The following MLF1 variants were observed in gnomAD, a reference collection of about 807,000 sequenced individuals.
The protein encoded by MLF1 is myelodysplasia-myeloid leukemia factor 1.
Under a neutral mutation model 38.3 loss-of-function variants are expected in MLF1, and 37 were observed. The ratio of observed to expected loss-of-function variants is 0.96; its 90% CI spans 0.74 to 1.27. MLF1 has a LOEUF of 1.27. Among genes scored for constraint, MLF1 ranks in the 50% most tolerant of loss-of-function variants. The pLI, the probability that MLF1 is intolerant of heterozygous loss-of-function variation, is 0.00. For missense variants in MLF1, 331 were observed against 349.2 expected, an observed-to-expected ratio of 0.95 and a Z score of 0.42; for synonymous variants, 95 against 106.5, an observed-to-expected ratio of 0.89 and a Z score of 0.66.
chr3:158,581,278 C>CAGTTCA (rs1487782519), intron 1 of MLF1, among the ~76,000 whole-genome samples: 3 of 152,154 alleles, frequency 2.0e-5, no homozygotes, highest in African/African-American at 7.2e-5. Flanking sequence ...AGGAGCTCTA[C>CAGTTCA]CAGGTTCTCC....
At chr3:158,587,580 C>T (rs1717423446) in intron 1 of MLF1, among the ~76,000 whole-genome samples, 1 of 152,340 alleles carries the variant, frequency 6.6e-6, no homozygotes, top group East Asian at 1.9e-4. Context: ...TGCTGATCCC[C>T]ACTCCCTGGT....
At chr3:158,582,044 G>A (rs1333266931) in intron 1 of MLF1, among the ~76,000 whole-genome samples, 1 of 152,138 alleles carries the variant, frequency 6.6e-6, no homozygotes, top group Non-Finnish European at 1.5e-5. Context: ...GCCGGGCGTG[G>A]TGGTGCATGC....
At chr3:158,597,782 G>A (rs1441906567) in intron 4 of MLF1, among the ~76,000 whole-genome samples, 1 of 152,214 alleles carries the variant, frequency 6.6e-6, no homozygotes, top group African/African-American at 2.4e-5. Flanking sequence ...TCTAAGCCAC[G>A]AGCACCCAAA....
chr3:158,572,602 G>A (rs1372562965), intron 1 of MLF1, among the ~76,000 whole-genome samples: 10 of 139,968 alleles, frequency 7.1e-5, no homozygotes, highest in African/African-American at 2.7e-4. Flanking sequence ...AGGGCGTGAG[G>A]TAGGGGGAAG....
intron 5 of MLF1, among the ~76,000 whole-genome samples, 156 bp from the exon 6 acceptor site, chr3:158,599,858 C>G (rs1335737692): frequency 6.6e-6 from 1 of 152,060 alleles, no homozygotes; most frequent in African/African-American, 2.4e-5. Context: ...ATATCAGAGA[C>G]TTATTACCAC....
At position 158,576,243 on chromosome 3, in the gene MLF1, A is replaced by T. The variant is rs1715404167; in HGVS notation, c.47+4896A>T. On this transcript the variant is annotated intron_variant, in intron 1 of 7. Transcript: ENST00000466246. ...CAGGGCTGAAGTTATTTCATTGAAA[A>T]TTTACATTACAGTATATTCAGATAT... 1.3e-5 allele frequency among the ~76,000 whole-genome samples: 2 copies of T among 152,300 alleles called. 1 individual carries two copies. Among genetic ancestry groups the T allele is most frequent in the African/African-American group, 4.8e-5 (2 of 41,570 alleles).
Position 158,600,099 on chromosome 3 carries a change from A to G in MLF1, c.539A>G (p.His180Arg), listed in dbSNP as rs1719519344. 3 of 1,487,890 alleles carry G rather than the reference A, an allele frequency of 2.0e-6. No individual in the cohort carries two copies. The highest frequency in any genetic ancestry group is 2.7e-6 in the Non-Finnish European group (3 of 1,111,520). 92.2% of individuals were successfully genotyped at this position (1,487,890 alleles called of 1,614,324 possible). Reference sequence around the variant, plus strand: ...GGTCATCATATCCATGACCGAGCTCATGTCATTAAAAAGTCAAAGAACAAG... The same window carrying G: ...GGTCATCATATCCATGACCGAGCTCGTGTCATTAAAAAGTCAAAGAACAAG... ...AIGHHIHDRA[H>R]VIKKSKNKKT... Residue 180 changes from histidine to arginine, a missense_variant, in exon 6 of 8, where the codon CAT becomes CGT. Transcript: ENST00000466246.
intron 7 of MLF1, 71 bp from the exon 8 acceptor site, chr3:158,605,026 A>G: frequency 1.8e-6 from 2 of 1,098,098 alleles, no homozygotes; most frequent in South Asian, 3.1e-5. Flanking sequence ...GGTTTTTAAC[A>G]TGTTTGTATT....
At chr3:158,575,089 C>T (rs929070162) in intron 1 of MLF1, among the ~76,000 whole-genome samples, 4 of 152,124 alleles carry the variant, frequency 2.6e-5, no homozygotes, top group African/African-American at 9.7e-5. Flanking sequence ...TAACAGACTA[C>T]AAATAGTAAG....
At chr3:158,588,218 T>C (rs1717551591) in intron 1 of MLF1, among the ~76,000 whole-genome samples, 1 of 152,268 alleles carries the variant, frequency 6.6e-6, no homozygotes, top group South Asian at 2.1e-4. Context: ...TTGAGATGAC[T>C]AAAGCCTCAA....
At chr3:158,571,407 A>G in intron 1 of MLF1, 60 bp downstream of exon 1, 4 of 1,607,570 alleles carry the variant, frequency 2.5e-6, no homozygotes, top group Non-Finnish European at 3.4e-6. Flanking sequence ...GAGGGGAGCT[A>G]TTTTAAGGGA....
intron 1 of MLF1, among the ~76,000 whole-genome samples, chr3:158,589,698 A>G (rs575834327): frequency 1.3e-5 from 2 of 152,230 alleles, no homozygotes; most frequent in Non-Finnish European, 2.9e-5. Context: ...ATTACCACAT[A>G]TTTAGAGACT....
intron 1 of MLF1, among the ~76,000 whole-genome samples, chr3:158,580,275 A>C (rs1182275906): frequency 2.0e-5 from 3 of 151,972 alleles, no homozygotes; most frequent in Admixed American, 2.0e-4. Context: ...CATCCTGCAC[A>C]TGTACCCCGG....
At chr3:158,591,036 T>A in intron 1 of MLF1, 1 of 459,238 alleles carries the variant, frequency 2.2e-6, no homozygotes, top group Non-Finnish European at 4.3e-6. Context: ...TAGGTTTATG[T>A]ATACAAATAC....
intron 6 of MLF1, among the ~76,000 whole-genome samples, chr3:158,602,432 T>TAGGTGAATAGA (rs1719930693): frequency 6.6e-6 from 1 of 152,098 alleles, no homozygotes; most frequent in Non-Finnish European, 1.5e-5. Flanking sequence ...GAAAGATGGT[T>TAGGTGAATAGA]AGGTGAATAG....
intron 3 of MLF1, among the ~76,000 whole-genome samples, chr3:158,595,252 A>G (rs1474607923): frequency 6.6e-6 from 1 of 152,094 alleles, no homozygotes; most frequent in East Asian, 1.9e-4. Context: ...GAATCATGAG[A>G]AGGAACTAAC....
intron 1 of MLF1, among the ~76,000 whole-genome samples, chr3:158,582,445 A>G (rs1464415614): frequency 6.6e-6 from 1 of 152,162 alleles, no homozygotes; most frequent in Non-Finnish European, 1.5e-5. Flanking sequence ...AAGACTAAGA[A>G]TTACCCCAAA....
rs761571078 is a variant in MLF1 at position 158,592,600 on chromosome 3, G to C, written c.195+19G>C. ...TTTGACTGTAAGTTCTTTTTTTTAAGACAGTTAGTGAGAAGGCCCTGTAGG... is the reference window on the plus strand; with the variant it reads ...TTTGACTGTAAGTTCTTTTTTTTAACACAGTTAGTGAGAAGGCCCTGTAGG... On this transcript the variant is annotated intron_variant, in intron 2 of 7. Transcript: ENST00000466246. The C allele has an allele frequency of 1.3e-6, 2 of 1,566,846 alleles. No homozygotes were observed. Among genetic ancestry groups the C allele is most frequent in the East Asian group, 2.4e-5 (1 of 42,168 alleles).
chr3:158,574,279 T>C (rs551168765), intron 1 of MLF1, among the ~76,000 whole-genome samples: 1 of 152,246 alleles, frequency 6.6e-6, no homozygotes, highest in South Asian at 2.1e-4. Flanking sequence ...GGCAAATTTA[T>C]TATGCCATTT....
Sources: allele counts gnomAD v4.1 joint callset (sites outside exome capture counted in the v4.1 genomes callset), GRCh38; gene constraint gnomAD v4.1.1; transcripts MANE v1.5; gene names NCBI Gene and HGNC (gene_info 2026-07-23, HGNC 2026-07-21).